Variants in CNTN3 observed in about 807,000 individuals in gnomAD.
The protein encoded by CNTN3 is contactin 3.
A neutral mutation model predicts 119.1 loss-of-function variants in CNTN3; 60 were observed. That is an observed-to-expected ratio of 0.50 (90% CI 0.41 to 0.62). The LOEUF (loss-of-function observed/expected upper bound fraction) is 0.62. Ranked by LOEUF, CNTN3 falls within the 20% of genes least tolerant of loss-of-function variation. CNTN3 has a pLI of 0.00. For synonymous variants in CNTN3, 450 were observed against 438.7 expected (o/e 1.03, Z -0.32); for missense variants, 1,101 against 1,242.4 (o/e 0.89, Z 1.71).
intron 20 of CNTN3, among the ~76,000 whole-genome samples, chr3:74,283,354 C>T (rs1258305562): frequency 2.0e-5 from 3 of 152,102 alleles, no homozygotes; most frequent in African/African-American, 7.2e-5. Context: ...AGAACCATGA[C>T]CGGAAATTGC....
chr3:74,614,099 T>A (rs1445196385), intron 1 of CNTN3, among the ~76,000 whole-genome samples: 1 of 152,082 alleles, frequency 6.6e-6, no homozygotes, highest in Non-Finnish European at 1.5e-5. Context: ...ACTGGTCAAA[T>A]CCACTGCGCG....
chr3:74,336,393 T>C, intron 12 of CNTN3, 138 bp downstream of exon 12: 1 of 914,886 alleles, frequency 1.1e-6, no homozygotes, highest in Non-Finnish European at 1.7e-6. Context: ...CTTTCACCTG[T>C]TAAAAATAAC....
At chr3:74,515,409 A>AT (rs1703433942) in intron 2 of CNTN3, among the ~76,000 whole-genome samples, 1 of 152,018 alleles carries the variant, frequency 6.6e-6, no homozygotes, top group Admixed American at 6.6e-5. Context: ...ACTGGTGAGC[A>AT]TTTTCATACC....
rs149478078 is a variant in CNTN3, at chr3:74,272,666, A to G, written c.2705-5288T>C. Reference sequence around the variant, plus strand: ...ATGCACAGAAAAGCCAACAAATAGCATTCAGTCACCTGCAGAAAAATTCCC... The same window carrying G: ...ATGCACAGAAAAGCCAACAAATAGCGTTCAGTCACCTGCAGAAAAATTCCC... On this transcript the variant is annotated intron_variant, in intron 20 of 22. Transcript: ENST00000263665. Among the ~76,000 whole-genome samples, 811 of 152,302 alleles carry G rather than the reference A, an allele frequency of 5.3e-3. 7 individuals carry two copies. The highest frequency in any genetic ancestry group is 0.017 in the Middle Eastern group (5 of 294).
intron 1 of CNTN3, among the ~76,000 whole-genome samples, chr3:74,578,375 G>C (rs1451525553): frequency 3.3e-5 from 5 of 152,040 alleles, no homozygotes; most frequent in Admixed American, 6.6e-5. Context: ...GGAGATTCTT[G>C]TGCAATGCAT....
At chr3:74,395,842 G>A (rs1256323801) in intron 5 of CNTN3, among the ~76,000 whole-genome samples, 1 of 152,004 alleles carries the variant, frequency 6.6e-6, no homozygotes, top group Non-Finnish European at 1.5e-5. Flanking sequence ...TACAGCGTGT[G>A]CTCACTACAT....
In CNTN3 at chr3:74,527,821, T is replaced by C. The variant is rs148475045; in HGVS notation, c.-80-6629A>G. On this transcript the variant is annotated intron_variant, in intron 1 of 22. Coordinates refer to ENST00000263665, the MANE Select transcript of CNTN3 (RefSeq NM_020872.3). ...ACTTGACATGCAATAATGTCGCTTG[T>C]AGCATGTTTCAAGACAAGCTTTTTG... 1.6e-4 allele frequency among the ~76,000 whole-genome samples: 25 copies of C among 152,066 alleles called. No individual in the cohort carries two copies. In the East Asian group the frequency reaches 4.5e-3, roughly 27 times the overall value.
At chr3:74,558,308 C>T (rs1380944562) in intron 1 of CNTN3, among the ~76,000 whole-genome samples, 1 of 152,124 alleles carries the variant, frequency 6.6e-6, no homozygotes, top group East Asian at 1.9e-4. Flanking sequence ...ATCCTGAGGA[C>T]ACTCTCAAAC....
chr3:74,588,518 T>C (rs1704639275), intron 1 of CNTN3, among the ~76,000 whole-genome samples: 1 of 151,898 alleles, frequency 6.6e-6, no homozygotes, highest in Non-Finnish European at 1.5e-5. Context: ...ATCATGAAAA[T>C]GGCCATACTG....
chr3:74,384,591 T>C (rs983957142), intron 5 of CNTN3, among the ~76,000 whole-genome samples: 11 of 152,218 alleles, frequency 7.2e-5, no homozygotes, highest in Non-Finnish European at 1.2e-4. Flanking sequence ...TCTCCCTATT[T>C]TCCAAATAAA....
At chr3:74,338,787 T>C (rs1396773964) in intron 11 of CNTN3, among the ~76,000 whole-genome samples, 1 of 152,096 alleles carries the variant, frequency 6.6e-6, no homozygotes, top group East Asian at 1.9e-4. Context: ...TTGAGAGCAA[T>C]GACCTAGAAA....
rs543512905 is a variant in CNTN3 at position 74,520,550 on chromosome 3, AT to A, written c.55+507del. ...GCTTTTGTATGTGTCAAAGACGATA[AT>A]TTTTTTTCATTTTTTCTTTCTACTT... On this transcript the variant is annotated intron_variant, in intron 2 of 22. Coordinates refer to ENST00000263665, the MANE Select transcript of CNTN3 (RefSeq NM_020872.3). 4.6e-5 allele frequency among the ~76,000 whole-genome samples: 7 copies of A among 151,312 alleles called. No individual in the cohort carries two copies. The East Asian group carries it at 1.2e-3, about 25-fold the overall frequency.
chr3:74,571,233 G>A (rs1362524806), intron 1 of CNTN3, among the ~76,000 whole-genome samples: 2 of 152,106 alleles, frequency 1.3e-5, no homozygotes, highest in African/African-American at 2.4e-5. Context: ...AAGCATCACC[G>A]TACTGCAGAT....
intron 4 of CNTN3, among the ~76,000 whole-genome samples, chr3:74,449,169 A>C (rs1450411641): frequency 1.3e-5 from 2 of 152,038 alleles, no homozygotes; most frequent in African/African-American, 4.8e-5. Flanking sequence ...TATAATAAAA[A>C]TTAATGTAAT....
At chr3:74,338,214 C>T (rs1006737025) in intron 11 of CNTN3, among the ~76,000 whole-genome samples, 2 of 151,916 alleles carry the variant, frequency 1.3e-5, no homozygotes, top group African/African-American at 4.8e-5. Flanking sequence ...AAATTCTGGG[C>T]CATTCAGTAG....
intron 11 of CNTN3, among the ~76,000 whole-genome samples, chr3:74,361,281 C>T (rs568852519): frequency 2.6e-5 from 4 of 152,146 alleles, no homozygotes; most frequent in South Asian, 4.1e-4. Context: ...ACTATTATCA[C>T]TCCCACTAAC....
At chr3:74,326,296 T>C (rs1370246032) in intron 13 of CNTN3, among the ~76,000 whole-genome samples, 2 of 152,134 alleles carry the variant, frequency 1.3e-5, no homozygotes, top group African/African-American at 4.8e-5. Context: ...TTATTGTTGA[T>C]ACAAAGGAAA....
intron 2 of CNTN3, among the ~76,000 whole-genome samples, chr3:74,504,098 T>A (rs11709354): frequency 0.5 from 76,049 of 151,938 alleles, 20,318 homozygotes; most frequent in Middle Eastern, 0.61. Context: ...GCTGCATCAC[T>A]CTACTAAAAG....
intron 4 of CNTN3, among the ~76,000 whole-genome samples, chr3:74,448,722 A>G (rs965877399): frequency 6.6e-6 from 1 of 152,164 alleles, no homozygotes; most frequent in Non-Finnish European, 1.5e-5. Flanking sequence ...ATCAGCTCAA[A>G]CAAAAAGGTC....
Sources: gnomAD v4.1 joint callset for allele counts (sites outside exome capture counted in the v4.1 genomes callset) on GRCh38, gnomAD v4.1.1 for gene constraint, MANE v1.5 for transcripts, NCBI Gene and HGNC (gene_info 2026-07-23, HGNC 2026-07-21) for gene names.